The following MDGA2 variants were observed in gnomAD, a reference collection of about 807,000 sequenced individuals.
The protein encoded by MDGA2 is MAM domain-containing glycosylphosphatidylinositol anchor protein 2.
Under a neutral mutation model 117.8 loss-of-function variants are expected in MDGA2, and 40 were observed. The ratio of observed to expected loss-of-function variants is 0.34; its 90% CI spans 0.26 to 0.44. The LOEUF (loss-of-function observed/expected upper bound fraction) is 0.44. Ranked by LOEUF, MDGA2 falls within the 20% of genes least tolerant of loss-of-function variation. The pLI is 1.00. For synonymous variants in MDGA2, 452 were observed against 439.0 expected (o/e 1.03, Z -0.37); for missense variants, 1,123 against 1,250.6 (o/e 0.90, Z 1.54).
chr14:47,202,506 A>AG (rs1417174515), intron 3 of MDGA2, among the ~76,000 whole-genome samples: 1 of 152,104 alleles, frequency 6.6e-6, no homozygotes, highest in Non-Finnish European at 1.5e-5. Flanking sequence ...TCCTTCTTGG[A>AG]GCTTTTGTCT....
intron 1 of MDGA2, among the ~76,000 whole-genome samples, chr14:47,537,829 G>A (rs1353300537): frequency 3.3e-5 from 5 of 152,010 alleles, no homozygotes; most frequent in Non-Finnish European, 4.4e-5. Context: ...ACAAGATTAG[G>A]ATTTCCACAT....
intron 8 of MDGA2, among the ~76,000 whole-genome samples, chr14:46,958,290 T>C (rs995583924): frequency 1.3e-5 from 2 of 151,924 alleles, no homozygotes; most frequent in Non-Finnish European, 2.9e-5. Flanking sequence ...GTACAAAATC[T>C]GAAGAGGAAG....
intron 2 of MDGA2, among the ~76,000 whole-genome samples, chr14:47,243,905 T>G (rs1282809310): frequency 6.6e-6 from 1 of 151,848 alleles, no homozygotes; most frequent in Non-Finnish European, 1.5e-5. Context: ...TACACCATTA[T>G]TCTCTCTGGG....
intron 4 of MDGA2, among the ~76,000 whole-genome samples, chr14:47,134,622 A>G (rs1394929280): frequency 4.6e-5 from 7 of 151,952 alleles, no homozygotes; most frequent in Non-Finnish European, 8.8e-5. Context: ...AACAAATGAA[A>G]ATCAGTAGAA....
At chr14:47,027,693 G>C (rs1302961368) in intron 8 of MDGA2, among the ~76,000 whole-genome samples, 1 of 150,356 alleles carries the variant, frequency 6.7e-6, no homozygotes, top group Non-Finnish European at 1.5e-5. Flanking sequence ...CTATTTTCTT[G>C]AACAATTTCC....
intron 5 of MDGA2, among the ~76,000 whole-genome samples, chr14:47,103,545 A>G (rs901315062): frequency 2.6e-5 from 4 of 152,240 alleles, no homozygotes; most frequent in Admixed American, 6.5e-5. Flanking sequence ...AAATAACAAT[A>G]TTTGAAATTG....
intron 9 of MDGA2, among the ~76,000 whole-genome samples, chr14:46,953,202 A>G (rs935374642): frequency 6.7e-6 from 1 of 149,324 alleles, no homozygotes; most frequent in Non-Finnish European, 1.5e-5. Flanking sequence ...CTTGTTAAAT[A>G]CATTCCTGAC....
chr14:47,187,391 G>C (rs1465827058), intron 3 of MDGA2, among the ~76,000 whole-genome samples: 1 of 151,956 alleles, frequency 6.6e-6, no homozygotes, highest in African/African-American at 2.4e-5. Context: ...AAAACAAAGT[G>C]CAAGATATAA....
intron 7 of MDGA2, among the ~76,000 whole-genome samples, chr14:47,046,987 A>G (rs2138705003): frequency 6.6e-6 from 1 of 152,262 alleles, no homozygotes; most frequent in East Asian, 1.9e-4. Context: ...AATGTTAGAG[A>G]TAATACCAAT....
At chr14:46,901,826 G>C (rs2416007) in intron 10 of MDGA2, among the ~76,000 whole-genome samples, 59,872 of 152,026 alleles carry the variant, frequency 0.39, 13,250 homozygotes, top group East Asian at 0.64. Flanking sequence ...AACCACATTG[G>C]CATGGCAGTC....
chr14:47,606,400 T>A (rs143837079), intron 1 of MDGA2, among the ~76,000 whole-genome samples: 87 of 152,332 alleles, frequency 5.7e-4, no homozygotes, highest in African/African-American at 2.0e-3. Flanking sequence ...TGAAACTTTT[T>A]AAATTGTATC....
At position 47,561,156 on chromosome 14, in the gene MDGA2, TTGTTTTGTTTTTTTGTTTGTTTG is replaced by T. The variant is rs1895799078; in HGVS notation, c.280+113338_280+113360del. Among the ~76,000 whole-genome samples the T allele has an allele frequency of 2.7e-5, 2 of 72,866 alleles. 1 individual carries two copies. The highest frequency in any genetic ancestry group is 6.2e-5 in the Non-Finnish European group (2 of 32,406). The allele number at this position is 72,866 out of a possible 152,430, so 47.8% of individuals were successfully genotyped here. On this transcript the variant is annotated intron_variant, in intron 1 of 16. Coordinates refer to ENST00000399232, the MANE Select transcript of MDGA2 (RefSeq NM_001113498.3). ...CTCTATCTTTGTTTTTTTTTTTGTT[TTGTTTTGTTTTTTTGTTTGTTTG>T]TTTTTTTTTGCTTAGGATTGCCTTA...
chr14:47,126,258 C>G (rs1881896842), intron 5 of MDGA2, among the ~76,000 whole-genome samples: 1 of 151,882 alleles, frequency 6.6e-6, no homozygotes, highest in Non-Finnish European at 1.5e-5. Context: ...CCTTTTCATC[C>G]AAATATGAGT....
At chr14:47,072,444 T>G (rs1429659376) in intron 6 of MDGA2, among the ~76,000 whole-genome samples, 1 of 152,242 alleles carries the variant, frequency 6.6e-6, no homozygotes, top group Non-Finnish European at 1.5e-5. Flanking sequence ...ATGACTATTA[T>G]GTTGGAGGAG....
chr14:47,510,911 AAAT>A (rs2138693030), intron 1 of MDGA2, among the ~76,000 whole-genome samples: 1 of 141,234 alleles, frequency 7.1e-6, no homozygotes, highest in South Asian at 2.3e-4. Flanking sequence ...ATCTCAGCTC[AAAT>A]GTTTTTTCTT....
chr14:47,378,007 G>A (rs1241485015), intron 1 of MDGA2, among the ~76,000 whole-genome samples: 3 of 152,104 alleles, frequency 2.0e-5, no homozygotes, highest in South Asian at 2.1e-4. Context: ...CCTCTGAGAC[G>A]AAGCTTCCAG....
intron 7 of MDGA2, among the ~76,000 whole-genome samples, chr14:47,051,314 G>T (rs1889450365): frequency 6.6e-6 from 1 of 151,700 alleles, no homozygotes; most frequent in African/African-American, 2.4e-5. Context: ...TTTTAAAATT[G>T]TTTTATGAAA....
At chr14:47,630,117 G>C (rs1418538521) in intron 1 of MDGA2, among the ~76,000 whole-genome samples, 10 of 151,280 alleles carry the variant, frequency 6.6e-5, no homozygotes, top group African/African-American at 2.4e-4. Context: ...TTTTGTGAAG[G>C]AAAAAATACA....
At chr14:46,873,675 T>A (rs760135089) in intron 13 of MDGA2, 84 bp from the exon 14 acceptor site, 5 of 1,251,776 alleles carry the variant, frequency 4.0e-6, no homozygotes, top group Non-Finnish European at 5.5e-6. Context: ...CTTATAGTTT[T>A]CATACAAAAT....
Sources: gnomAD v4.1 joint callset for allele counts (sites outside exome capture counted in the v4.1 genomes callset) on GRCh38, gnomAD v4.1.1 for gene constraint, MANE v1.5 for transcripts, NCBI Gene and HGNC (gene_info 2026-07-23, HGNC 2026-07-21) for gene names.